The following PACRG variants were observed in gnomAD, a reference collection of about 807,000 sequenced individuals.
PACRG encodes parkin coregulated gene protein.
Under a neutral mutation model 29.7 loss-of-function variants are expected in PACRG, and 29 were observed. The ratio of observed to expected loss-of-function variants is 0.98; its 90% CI spans 0.73 to 1.33. The LOEUF is 1.33. Among genes scored for constraint, PACRG ranks in the 40% most tolerant of loss-of-function variants. The probability of loss-of-function intolerance (pLI) is 0.00; values close to 1 mark genes in which losing one functional copy is unlikely to be tolerated. For missense variants in PACRG, 279 were observed against 316.2 expected, an observed-to-expected ratio of 0.88 and a Z score of 0.89; for synonymous variants, 116 against 118.7, an observed-to-expected ratio of 0.98 and a Z score of 0.15.
chr6:163,121,488 C>G (rs920450731), intron 4 of PACRG, among the ~76,000 whole-genome samples: 5 of 152,250 alleles, frequency 3.3e-5, no homozygotes, highest in Admixed American at 2.0e-4. Flanking sequence ...TTTGCAATCA[C>G]TCTTACAACT....
chr6:162,927,440 G>T (rs1173383383), intron 2 of PACRG, among the ~76,000 whole-genome samples: 3 of 151,986 alleles, frequency 2.0e-5, no homozygotes, highest in African/African-American at 7.2e-5. Context: ...AAGAAAATGT[G>T]GTACATATAC....
intron 4 of PACRG, among the ~76,000 whole-genome samples, chr6:163,235,235 C>T (rs1376930369): frequency 6.6e-6 from 1 of 152,122 alleles, no homozygotes; most frequent in East Asian, 1.9e-4. Flanking sequence ...TATCCCCAAA[C>T]CTGTCATATT....
At chr6:163,121,160 C>G (rs572323812) in intron 4 of PACRG, among the ~76,000 whole-genome samples, 1 of 152,298 alleles carries the variant, frequency 6.6e-6, no homozygotes, top group African/African-American at 2.4e-5. Context: ...TATTTAACCT[C>G]ATCAAACCTC....
chr6:163,013,862 G>GT (rs58154540), intron 2 of PACRG, among the ~76,000 whole-genome samples: 193 of 144,790 alleles, frequency 1.3e-3, no homozygotes, highest in South Asian at 0.011. Context: ...AGTTTTTGAG[G>GT]TTTTTTTTTT....
In PACRG at chr6:162,777,154, A is replaced by G. The variant is rs1403138831; in HGVS notation, c.157-36993A>G. Among the ~76,000 whole-genome samples the G allele has an allele frequency of 6.6e-6, 1 of 152,256 alleles. No homozygotes were observed. The highest frequency in any genetic ancestry group is 2.4e-5 in the African/African-American group (1 of 41,476). On this transcript the variant is annotated intron_variant, in intron 1 of 4. Coordinates refer to ENST00000366888, the MANE Select transcript of PACRG (RefSeq NM_001080379.2). This position sits in a 1 kb window ranked among gnomAD's most constrained non-coding sequence, Gnocchi z 4.0. Reference sequence around the variant, plus strand: ...TCTCTGGGTGAATGTTCTGTCGCACACTTGCACAAACCCTGATCTCTCTTC... The same window carrying G: ...TCTCTGGGTGAATGTTCTGTCGCACGCTTGCACAAACCCTGATCTCTCTTC...
At chr6:162,735,763 A>C (rs1179421643) in intron 1 of PACRG, among the ~76,000 whole-genome samples, 3 of 152,180 alleles carry the variant, frequency 2.0e-5, no homozygotes, top group Non-Finnish European at 2.9e-5. Flanking sequence ...GTGAAGAAAA[A>C]TGTTTACCTC....
At chr6:163,121,750 C>T (rs907664711) in intron 4 of PACRG, among the ~76,000 whole-genome samples, 15 of 150,730 alleles carry the variant, frequency 1.0e-4, no homozygotes, top group African/African-American at 3.7e-4. Context: ...ACTGCAAGCT[C>T]CGCCTCCTGG....
chr6:162,970,099 A>G (rs1004651946), intron 2 of PACRG, among the ~76,000 whole-genome samples: 5 of 152,164 alleles, frequency 3.3e-5, no homozygotes, highest in Admixed American at 3.3e-4. Context: ...TGCTGCCATG[A>G]CATGCAAATA....
At chr6:163,253,309 A>G (rs1253726910) in intron 4 of PACRG, among the ~76,000 whole-genome samples, 2 of 151,928 alleles carry the variant, frequency 1.3e-5, no homozygotes, top group East Asian at 3.9e-4. Flanking sequence ...AAAAAAAAAA[A>G]AAAAAAGGAA....
intron 4 of PACRG, among the ~76,000 whole-genome samples, chr6:163,227,075 G>C (rs1453688878): frequency 2.0e-5 from 3 of 152,098 alleles, no homozygotes; most frequent in African/African-American, 7.2e-5. Context: ...CTTCCTGCTT[G>C]TATTAGGCCA....
intron 2 of PACRG, among the ~76,000 whole-genome samples, chr6:162,926,854 C>T (rs1797477558): frequency 6.6e-6 from 1 of 152,216 alleles, no homozygotes. Flanking sequence ...AAACTGTCAT[C>T]AGAGCAAACA....
rs1367884238 is a variant in PACRG, at chr6:162,795,432, T to C, written c.157-18715T>C. ...AACACCAGTTAATGAATCGTCCATG[T>C]TTCCCCACTGATTTGAGGTCTAACT... On this transcript the variant is annotated intron_variant, in intron 1 of 4. Coordinates refer to ENST00000366888, the MANE Select transcript of PACRG (RefSeq NM_001080379.2). Among the ~76,000 whole-genome samples, 3 of 152,178 alleles carry C rather than the reference T, an allele frequency of 2.0e-5. No individual in the cohort carries two copies. In the East Asian group the frequency reaches 5.8e-4, roughly 29 times the overall value.
chr6:163,131,496 G>A (rs903399366), intron 4 of PACRG, among the ~76,000 whole-genome samples: 2 of 152,224 alleles, frequency 1.3e-5, no homozygotes, highest in South Asian at 2.1e-4. Flanking sequence ...ATTTGGAGAG[G>A]CGCATAAAAC....
intron 2 of PACRG, among the ~76,000 whole-genome samples, chr6:162,901,448 G>A (rs979276411): frequency 6.6e-6 from 1 of 152,150 alleles, no homozygotes; most frequent in Non-Finnish European, 1.5e-5. Flanking sequence ...TGGGTGCAGT[G>A]ACTTTCTCTA....
At chr6:162,902,112 G>A (rs766952241) in intron 2 of PACRG, among the ~76,000 whole-genome samples, 11 of 152,158 alleles carry the variant, frequency 7.2e-5, no homozygotes, top group South Asian at 2.1e-4. Flanking sequence ...GGTTTCACAC[G>A]TTGCATGCTA....
chr6:162,766,861 G>A (rs948472949), intron 1 of PACRG, among the ~76,000 whole-genome samples: 26 of 152,058 alleles, frequency 1.7e-4, no homozygotes, highest in Admixed American at 1.4e-3. Context: ...AATATAAAAG[G>A]CTATAAATTT....
rs369447301 is a variant in PACRG at position 162,846,000 on chromosome 6, G to A, written c.291+31719G>A. Among the ~76,000 whole-genome samples the A allele has an allele frequency of 8.1e-4, 124 of 152,278 alleles. No homozygotes were observed. In the East Asian group the frequency reaches 0.011, roughly 14 times the overall value. ...TGCAGGAAAAGTAGGAGGGTAAGGC[G>A]GAGAGGAGGAAGGGAGCCAGTGACA... On this transcript the variant is annotated intron_variant, in intron 2 of 4. Coordinates refer to ENST00000366888, the MANE Select transcript of PACRG (RefSeq NM_001080379.2).
chr6:163,067,841 CTA>C (rs771776428), intron 3 of PACRG, among the ~76,000 whole-genome samples: 35 of 152,310 alleles, frequency 2.3e-4, no homozygotes, highest in Non-Finnish European at 4.6e-4. Flanking sequence ...CCCACATCTG[CTA>C]TGATTACTTT....
At chr6:162,762,701 TA>T (rs1361668215) in intron 1 of PACRG, among the ~76,000 whole-genome samples, 4 of 152,240 alleles carry the variant, frequency 2.6e-5, no homozygotes, top group African/African-American at 7.2e-5. Context: ...AATAGGTGGT[TA>T]TTTGTATCTT....
Sources: gnomAD v4.1 joint callset for allele counts (sites outside exome capture counted in the v4.1 genomes callset) on GRCh38, gnomAD v4.1.1 for gene constraint, Gnocchi (gnomAD v3.1) non-coding constraint, MANE v1.5 for transcripts, NCBI Gene and HGNC (gene_info 2026-07-23, HGNC 2026-07-21) for gene names.